Variants in MSRA observed in about 807,000 individuals in gnomAD.
MSRA encodes methionine sulfoxide reductase A.
In MSRA, 54 loss-of-function variants were observed where a neutral mutation model predicts 31.3. That is an observed-to-expected ratio of 1.73 (90% CI 1.39 to 2.17). The LOEUF (loss-of-function observed/expected upper bound fraction) is 2.17, where lower values mean the gene tolerates loss of function less well. Among genes scored for constraint, MSRA ranks in the 30% most tolerant of loss-of-function variants. The probability of loss-of-function intolerance (pLI) is 0.00; values close to 1 mark genes in which losing one functional copy is unlikely to be tolerated. For synonymous variants in MSRA, 169 were observed against 116.5 expected (o/e 1.45, Z -2.90); for missense variants, 507 against 300.9 (o/e 1.69, Z -5.07).
intron 1 of MSRA, among the ~76,000 whole-genome samples, chr8:10,170,305 G>A (rs1042850920): frequency 6.6e-6 from 1 of 152,142 alleles, no homozygotes; most frequent in Non-Finnish European, 1.5e-5. Context: ...AGTCATAAGG[G>A]TGGAGCCCTT....
At chr8:10,127,673 G>T (rs1801598975) in intron 1 of MSRA, among the ~76,000 whole-genome samples, 1 of 152,194 alleles carries the variant, frequency 6.6e-6, no homozygotes, top group Non-Finnish European at 1.5e-5. Flanking sequence ...TAAGGTACTA[G>T]TTATATTTAT....
intron 1 of MSRA, among the ~76,000 whole-genome samples, chr8:10,112,032 G>A (rs1395997513): frequency 9.4e-6 from 1 of 106,432 alleles, no homozygotes; most frequent in African/African-American, 3.4e-5. Flanking sequence ...TTAAGACTCA[G>A]TTTTTTTTTT....
intron 2 of MSRA, among the ~76,000 whole-genome samples, chr8:10,236,266 A>G (rs1039390380): frequency 6.6e-6 from 1 of 152,184 alleles, no homozygotes; most frequent in Non-Finnish European, 1.5e-5. Context: ...CCAATGCAAT[A>G]CAATGAGATA....
intron 1 of MSRA, among the ~76,000 whole-genome samples, chr8:10,198,362 A>G (rs774680929): frequency 3.3e-5 from 5 of 151,120 alleles, no homozygotes; most frequent in Non-Finnish European, 5.9e-5. Context: ...CTCCATATAT[A>G]TTATTATTAT....
At chr8:10,389,313 T>A (rs1160598786) in intron 5 of MSRA, among the ~76,000 whole-genome samples, 1 of 152,154 alleles carries the variant, frequency 6.6e-6, no homozygotes, top group Non-Finnish European at 1.5e-5. Context: ...AGAGGAAGGA[T>A]TTTAGATGAT....
At chr8:10,163,681 G>A (rs924672569) in intron 1 of MSRA, among the ~76,000 whole-genome samples, 10 of 152,228 alleles carry the variant, frequency 6.6e-5, no homozygotes, top group African/African-American at 2.2e-4. Flanking sequence ...AATGACAGCC[G>A]AGATCAAAGG....
At chr8:10,382,458 G>C (rs1006305474) in intron 5 of MSRA, among the ~76,000 whole-genome samples, 4 of 152,164 alleles carry the variant, frequency 2.6e-5, no homozygotes, top group South Asian at 2.1e-4. Context: ...GCTGGTGTTG[G>C]GGCTCATCTT....
intron 5 of MSRA, among the ~76,000 whole-genome samples, chr8:10,358,819 C>G (rs1310578780): frequency 2.0e-5 from 3 of 148,606 alleles, no homozygotes; most frequent in Middle Eastern, 3.4e-3. Flanking sequence ...GTCTCGATCT[C>G]CTGACCTCGT....
chr8:10,094,380 A>G (rs916156048), intron 1 of MSRA, among the ~76,000 whole-genome samples: 4 of 152,254 alleles, frequency 2.6e-5, no homozygotes, highest in African/African-American at 9.6e-5. Flanking sequence ...ATGACACATG[A>G]TCCTAATTGT....
At chr8:10,103,581 G>T (rs1037803476) in intron 1 of MSRA, among the ~76,000 whole-genome samples, 1 of 152,050 alleles carries the variant, frequency 6.6e-6, no homozygotes, top group Non-Finnish European at 1.5e-5. Flanking sequence ...TAGCTGATAG[G>T]TATCATAAAC....
In MSRA at chr8:10,070,045, G is replaced by C. The variant is rs185918097; in HGVS notation, c.142+15387G>C. On this transcript the variant is annotated intron_variant, in intron 1 of 5. Transcript: ENST00000317173. ...AAATCTTGCCAAGGATATAAAATTG[G>C]TGCCAGGTTATGTAATGCTTTTGAA... is the stretch of plus-strand genomic sequence containing the variant. Among the ~76,000 whole-genome samples the C allele has an allele frequency of 1.4e-3, 220 of 152,318 alleles. 1 individual carries two copies. The highest frequency in any genetic ancestry group is 4.8e-3 in the African/African-American group (199 of 41,568).
intron 4 of MSRA, among the ~76,000 whole-genome samples, chr8:10,317,458 G>A (rs1801791979): frequency 6.6e-6 from 1 of 152,184 alleles, no homozygotes; most frequent in African/African-American, 2.4e-5. Context: ...TCTGCCGAGA[G>A]GGAGAGAAAC....
intron 5 of MSRA, chr8:10,320,316 A>G (rs1373235033): frequency 5.9e-6 from 1 of 169,376 alleles, no homozygotes; most frequent in African/African-American, 2.4e-5. Context: ...AAAAATACAA[A>G]AATAAGCCAG....
intron 2 of MSRA, among the ~76,000 whole-genome samples, chr8:10,213,597 T>G (rs1343075150): frequency 6.6e-6 from 1 of 151,936 alleles, no homozygotes; most frequent in Non-Finnish European, 1.5e-5. Flanking sequence ...CCAACATGCC[T>G]GGCTAATTTT....
chr8:10,204,147 TGTTAA>T (rs150732012), intron 1 of MSRA, among the ~76,000 whole-genome samples: 2,298 of 151,982 alleles, frequency 0.015, 61 homozygotes, highest in African/African-American at 0.052. Flanking sequence ...AATGTGCTTG[TGTTAA>T]GTTATGTTAT....
chr8:10,425,427 A>C (rs1809090867), intron 5 of MSRA, among the ~76,000 whole-genome samples: 1 of 152,236 alleles, frequency 6.6e-6, no homozygotes, highest in South Asian at 2.1e-4. Flanking sequence ...CTGGGCCTGC[A>C]GGTGGCTGCG....
chr8:10,093,283 GT>G (rs1411110266), intron 1 of MSRA, among the ~76,000 whole-genome samples: 2 of 151,968 alleles, frequency 1.3e-5, no homozygotes, highest in African/African-American at 2.4e-5. Flanking sequence ...CTTATTTTAT[GT>G]TAAATATTTT....
intron 5 of MSRA, among the ~76,000 whole-genome samples, chr8:10,416,689 C>G (rs560746747): frequency 6.6e-6 from 1 of 152,356 alleles, no homozygotes; most frequent in Admixed American, 6.5e-5. Flanking sequence ...GTTGACCACA[C>G]TTGCCTGCAA....
chr8:10,312,706 A>AT, intron 4 of MSRA, among the ~76,000 whole-genome samples: 1 of 152,310 alleles, frequency 6.6e-6, no homozygotes, highest in East Asian at 1.9e-4. Flanking sequence ...ATCATGACCA[A>AT]TTTTAGTTTC....
Sources: allele counts gnomAD v4.1 joint callset (sites outside exome capture counted in the v4.1 genomes callset), GRCh38; gene constraint gnomAD v4.1.1; transcripts MANE v1.5; gene names NCBI Gene and HGNC (gene_info 2026-07-23, HGNC 2026-07-21).